SETX: variants seen among roughly 807,000 people sequenced by gnomAD.
SETX encodes the protein senataxin, also known as helicase senataxin.
A neutral mutation model predicts 227.2 loss-of-function variants in SETX; 90 were observed. The observed-to-expected ratio is 0.40, with a 90% CI of 0.33 to 0.47. The LOEUF is 0.47. Among genes scored for constraint, SETX ranks in the 20% least tolerant of loss-of-function variants. The pLI is 0.91. For synonymous variants in SETX, 1,210 were observed against 1,113.2 expected, an observed-to-expected ratio of 1.09 and a Z score of -1.73; for missense variants, 3,052 against 3,181.5, an observed-to-expected ratio of 0.96 and a Z score of 0.98.
rs867828266 is a variant in SETX, at chr9:132,286,601, A to C, written c.6325-107T>G. The C allele has an allele frequency of 2.3e-5, 18 of 799,182 alleles. No individual in the cohort carries two copies. The Middle Eastern group carries it at 3.3e-3, about 147-fold the overall frequency. 49.5% of individuals were successfully genotyped at this position (799,182 alleles called of 1,614,324 possible). ...AAGAGCCTGTATTTCACCAATGAAAAATGTATTTACCCAGCTTATTTCCTC... is the reference window on the plus strand; with the variant it reads ...AAGAGCCTGTATTTCACCAATGAAACATGTATTTACCCAGCTTATTTCCTC... On this transcript the variant is annotated intron_variant, in intron 17 of 25. Transcript: ENST00000224140.
chr9:132,282,383 G>A (rs1843593835), intron 19 of SETX, among the ~76,000 whole-genome samples: 1 of 151,330 alleles, frequency 6.6e-6, no homozygotes, highest in South Asian at 2.1e-4. Context: ...CCGCCTCCCG[G>A]GCTCAAGCAA....
intron 21 of SETX, 60 bp from the exon 22 acceptor site, chr9:132,277,212 T>C: frequency 2.0e-6 from 3 of 1,483,202 alleles, no homozygotes; most frequent in Non-Finnish European, 2.8e-6. Flanking sequence ...GAAAATATCT[T>C]GGTATTACTA....
At chr9:132,287,102 TC>T (rs1195895100) in intron 17 of SETX, among the ~76,000 whole-genome samples, 4 of 152,158 alleles carry the variant, frequency 2.6e-5, no homozygotes, top group African/African-American at 9.7e-5. Flanking sequence ...TCCCTTTCTG[TC>T]TAACCTAATT....
intron 10 of SETX, among the ~76,000 whole-genome samples, chr9:132,324,227 G>T (rs1215372704): frequency 6.6e-6 from 1 of 151,850 alleles, no homozygotes; most frequent in Non-Finnish European, 1.5e-5. Flanking sequence ...CGAAAATAAA[G>T]CAACTCCTGC....
chr9:132,274,152 GTAA>G (rs911283564), intron 23 of SETX, among the ~76,000 whole-genome samples: 1 of 151,918 alleles, frequency 6.6e-6, no homozygotes, highest in African/African-American at 2.4e-5. Flanking sequence ...ATAAATCCTT[GTAA>G]TAACCTGCTG....
At chr9:132,338,456 G>C (rs1434172279) in intron 5 of SETX, among the ~76,000 whole-genome samples, 1 of 152,132 alleles carries the variant, frequency 6.6e-6, no homozygotes, top group Non-Finnish European at 1.5e-5. Context: ...TAATTTTCAT[G>C]TAAGACAATG....
chr9:132,310,046 C>A (rs1387502909), intron 11 of SETX, among the ~76,000 whole-genome samples: 1 of 151,744 alleles, frequency 6.6e-6, no homozygotes, highest in African/African-American at 2.4e-5. Flanking sequence ...TGACTTCTAC[C>A]CAGATTATAT....
chr9:132,279,244 G>A (rs1311773597), intron 20 of SETX, among the ~76,000 whole-genome samples: 1 of 152,002 alleles, frequency 6.6e-6, no homozygotes, highest in Non-Finnish European at 1.5e-5. Flanking sequence ...TCTACTTTCC[G>A]ATGGCAGCAA....
rs1027915193 is a variant in SETX at position 132,295,986 on chromosome 9, T to C, written c.5992A>G (p.Ile1998Val). 9 of 1,614,118 alleles carry C rather than the reference T, an allele frequency of 5.6e-6. No individual in the cohort carries two copies. The highest frequency in any genetic ancestry group is 5.0e-5 in the Admixed American group (3 of 60,002). The part of the protein sequence containing the change: ...GHSDENSNAK[I>V]KQNRVLVCAP... ...CACACGAGGACACGGTTTTGTTTGA[T>C]TTTGGCATTGGAGTTTTCGTCTGAA... The change falls in exon 15 of 26, where the codon ATC becomes GTC. Residue 1998 changes from isoleucine to valine, a missense_variant. Coordinates refer to ENST00000224140, the MANE Select transcript of SETX (RefSeq NM_015046.7).
intron 11 of SETX, among the ~76,000 whole-genome samples, chr9:132,308,805 T>C (rs992078875): frequency 6.6e-6 from 1 of 152,264 alleles, no homozygotes; most frequent in East Asian, 1.9e-4. Flanking sequence ...CTAAAATTTA[T>C]ATGGAAATGC....
rs781527224 is a variant in SETX, at chr9:132,277,012, G to GA, written c.6935+47_6935+48insT. The GA allele has an allele frequency of 9.3e-4, 1,355 of 1,457,954 alleles. 9 individuals are homozygous for GA. In the African/African-American group the frequency reaches 0.017, roughly 18 times the overall value. The allele number at this position is 1,457,954 out of a possible 1,614,324, so 90.3% of individuals were successfully genotyped here. ...TAACAGAAATATGAATGCAAATCAT[G>GA]TAACAATTCTGGGACTATCAGAGGA... On this transcript the variant is annotated intron_variant, in intron 22 of 25. Coordinates refer to ENST00000224140, the MANE Select transcript of SETX (RefSeq NM_015046.7).
At position 132,330,974 on chromosome 9, in the gene SETX, A is replaced by G. The variant is rs1847186852; in HGVS notation, c.1098+78T>C. 8.6e-6 allele frequency: 10 copies of G among 1,165,410 alleles called. No individual in the cohort carries two copies. The South Asian group carries it at 1.2e-4, about 14-fold the overall frequency. 72.2% of individuals were successfully genotyped at this position (1,165,410 alleles called of 1,614,324 possible). A position where few individuals can be genotyped will look rare whatever the true frequency, so the allele number is the denominator to read the frequency against. On this transcript the variant is annotated intron_variant, in intron 9 of 25. Coordinates refer to ENST00000224140, the MANE Select transcript of SETX (RefSeq NM_015046.7). ...ACAGCTACATATCACAAAATCTGCAACTCAACAAATTATACAAAATAGTCT... is the reference window on the plus strand; with the variant it reads ...ACAGCTACATATCACAAAATCTGCAGCTCAACAAATTATACAAAATAGTCT...
chr9:132,302,660 C>CA (rs35647306), intron 11 of SETX, among the ~76,000 whole-genome samples: 1,224 of 31,914 alleles, frequency 0.038, 10 homozygotes, highest in East Asian at 0.059. Context: ...GACTTTGTCT[C>CA]AAAAAAAAAA....
At chr9:132,284,895 T>C (rs968704198) in intron 18 of SETX, among the ~76,000 whole-genome samples, 7 of 151,974 alleles carry the variant, frequency 4.6e-5, no homozygotes, top group African/African-American at 1.7e-4. Flanking sequence ...TTTTTTTTTT[T>C]TGAGACGGAG....
intron 18 of SETX, among the ~76,000 whole-genome samples, chr9:132,285,375 G>A (rs1256130764): frequency 6.6e-6 from 1 of 152,162 alleles, no homozygotes; most frequent in Admixed American, 6.5e-5. Context: ...AGAAAAAAAT[G>A]CAAATGTTGT....
intron 25 of SETX, chr9:132,266,015 C>G (rs1589600260): frequency 6.6e-6 from 1 of 152,198 alleles, no homozygotes; most frequent in Admixed American, 6.5e-5. Flanking sequence ...TTGCCAAACA[C>G]ATGCACCTCT....
intron 21 of SETX, among the ~76,000 whole-genome samples, chr9:132,277,862 G>A (rs1021158491): frequency 4.6e-5 from 7 of 151,372 alleles, no homozygotes; most frequent in African/African-American, 1.7e-4. Context: ...TTATTTCTGG[G>A]TAGTATAAAT....
chr9:132,336,069 C>A (rs994133563), intron 6 of SETX, among the ~76,000 whole-genome samples: 1 of 152,002 alleles, frequency 6.6e-6, no homozygotes, highest in Non-Finnish European at 1.5e-5. Context: ...TGGTGAAACC[C>A]CGTCTCTACT....
At chr9:132,342,830 AATCTT>A (rs1848061239) in intron 4 of SETX, 31 bp from the exon 5 acceptor site, 2 of 1,453,218 alleles carry the variant, frequency 1.4e-6, no homozygotes, top group East Asian at 4.5e-5. Context: ...AAAATACATA[AATCTT>A]ATCACCTTAT....
Sources: gnomAD v4.1 joint callset for allele counts (sites outside exome capture counted in the v4.1 genomes callset) on GRCh38, gnomAD v4.1.1 for gene constraint, MANE v1.5 for transcripts, NCBI Gene and HGNC (gene_info 2026-07-23, HGNC 2026-07-21) for gene names.